DGKQ: variants seen among roughly 807,000 people sequenced by gnomAD.
The protein encoded by DGKQ is diacylglycerol kinase theta, also known as DAG kinase theta.
DGKQ carries 97 observed loss-of-function variants against 104.2 expected under a neutral mutation model. The observed-to-expected ratio is 0.93, with a 90% CI of 0.79 to 1.10. The LOEUF (loss-of-function observed/expected upper bound fraction) is 1.10, where lower values mean the gene tolerates loss of function less well. DGKQ is among the 50% of genes least tolerant of loss of function. The pLI, the probability that DGKQ is intolerant of heterozygous loss-of-function variation, is 0.00. For missense variants in DGKQ, 1,465 were observed against 1,352.1 expected (o/e 1.08, Z -1.31); for synonymous variants, 736 against 595.2 (o/e 1.24, Z -3.44).
intron 13 of DGKQ, 78 bp from the exon 14 acceptor site, chr4:965,607 T>C: frequency 6.7e-7 from 1 of 1,502,400 alleles, no homozygotes; most frequent in Non-Finnish European, 9.1e-7. Context: ...CCCCTCCGCC[T>C]GTCCAGGGGT....
intron 11 of DGKQ, 83 bp downstream of exon 11, chr4:966,665 C>G: frequency 2.0e-6 from 3 of 1,519,176 alleles, no homozygotes; most frequent in Non-Finnish European, 2.7e-6. Context: ...ATGTCCGGCA[C>G]CACCCTGCAG....
At chr4:966,937 C>T (rs759419703) in intron 10 of DGKQ, 27 bp downstream of exon 10, 4 of 1,551,898 alleles carry the variant, frequency 2.6e-6, no homozygotes, top group South Asian at 1.2e-5. Context: ...GTCTGGCCGG[C>T]ATGGGGAGCA....
Position 965,262 on chromosome 4 carries a change from C to A in DGKQ, c.1648G>T (p.Ala550Ser). 6.2e-7 allele frequency: 1 copy of A among 1,612,700 alleles called. No homozygotes were observed. The highest frequency in any genetic ancestry group is 8.5e-7 in the Non-Finnish European group (1 of 1,179,918). Residue 550 changes from alanine (A) to serine (S), a missense_variant, in exon 15 of 23, where the codon GCG becomes TCG. Physicochemically the swap from Ala to Ser is moderately conservative, Grantham distance 99. Transcript: ENST00000273814. ...GAVVLDVACF[A>S]EAERLYMLLK... The stretch of plus-strand genomic sequence containing the variant: ...AGCATGTACAGCCGCTCGGCCTCCG[C>A]AAAGCAGGCAACGTCCAACACTACC...
chr4:960,955 G>A lies in DGKQ; in HGVS notation c.2727+94C>T, dbSNP rs535845211. 140 of 1,551,522 alleles carry A rather than the reference G, an allele frequency of 9.0e-5. 1 individual carries two copies. In the African/African-American group the frequency reaches 1.5e-3, roughly 17 times the overall value. On this transcript the variant is annotated intron_variant, in intron 22 of 22. Transcript: ENST00000273814. ...GAGTCAGTGCTCCCTGGCCGCAGCC[G>A]GCCATGCCAGCACCACCTGGGTACC...
At chr4:965,791 G>A (rs115340330) in intron 13 of DGKQ, 137 bp downstream of exon 13, 7 of 1,038,632 alleles carry the variant, frequency 6.7e-6, no homozygotes, top group African/African-American at 1.6e-5. Flanking sequence ...CTTGGAGGAA[G>A]AGACGTGGGC....
chr4:973,297 G>T lies in DGKQ; in HGVS notation c.186C>A (p.Ser62Arg). Residue 62 changes from serine to arginine, a missense_variant, in exon 1 of 23, where the codon AGC (serine) becomes AGA (arginine). Physicochemically the swap from Ser to Arg is moderately radical, Grantham distance 110. Transcript: ENST00000273814. ...APGPAAAPGH[S>R]FRKVTLTKPT... Reference sequence around the variant, plus strand: ...GCTTGGTGAGCGTCACCTTCCGGAAGCTGTGTCCCGGCGCGGCAGCGGGGC... The same window carrying T: ...GCTTGGTGAGCGTCACCTTCCGGAATCTGTGTCCCGGCGCGGCAGCGGGGC... 6.6e-7 allele frequency: 1 copy of T among 1,514,618 alleles called. No individual in the cohort carries two copies. Among genetic ancestry groups the T allele is most frequent in the South Asian group, 1.2e-5 (1 of 80,308 alleles). The allele number at this position is 1,514,618 out of a possible 1,614,324, so 93.8% of individuals were successfully genotyped here.
Position 963,218 on chromosome 4 carries a change from G to T in DGKQ, c.1807C>A (p.Arg603=), listed in dbSNP as rs1301063490. The change falls in exon 16 of 23, where the codon CGA becomes AGA. Residue 603 remains arginine (R), a synonymous_variant. Coordinates refer to ENST00000273814, the MANE Select transcript of DGKQ (RefSeq NM_001347.4). ...VNPKSGGLKG[R]DLLCSFRKLL... ...TTCCGGAAGCTGCAGAGCAGGTCTCGGCCCTTGAGGCCTCCACTCTTGGGG... is the reference window on the plus strand; with the variant it reads ...TTCCGGAAGCTGCAGAGCAGGTCTCTGCCCTTGAGGCCTCCACTCTTGGGG... 3 of 1,611,592 alleles carry T rather than the reference G, an allele frequency of 1.9e-6. No individual in the cohort carries two copies. Among genetic ancestry groups the T allele is most frequent in the Non-Finnish European group, 2.5e-6 (3 of 1,178,904 alleles).
rs559401862 is a variant in DGKQ, at chr4:963,249, G to T, written c.1776C>A (p.Phe592Leu). The T allele has an allele frequency of 1.2e-6, 2 of 1,610,726 alleles. No individual in the cohort carries two copies. The highest frequency in any genetic ancestry group is 2.7e-5 in the African/African-American group (2 of 74,920). ...LPPDSCPLLV[F>L]VNPKSGGLKG... Reference sequence around the variant, plus strand: ...TGAGGCCTCCACTCTTGGGGTTCACGAACACAAGGAGGGGACAGCTGTCTG... The same window carrying T: ...TGAGGCCTCCACTCTTGGGGTTCACTAACACAAGGAGGGGACAGCTGTCTG... Residue 592 changes from phenylalanine (F) to leucine (L), a missense_variant, in exon 16 of 23, where the codon TTC (phenylalanine) becomes TTA (leucine). Transcript: ENST00000273814.
rs1405823467 is a variant in DGKQ, at chr4:967,915, G to A, written c.776C>T (p.Thr259Met). ...VRLLPGGFSK[T>M]QSFRIVEAAE... Reference sequence around the variant, plus strand: ...GGCCTCCACGATGCGGAAGCTCTGCGTCTTGCTGAAGCCGCCGGGCAGAAG... The same window carrying A: ...GGCCTCCACGATGCGGAAGCTCTGCATCTTGCTGAAGCCGCCGGGCAGAAG... Residue 259 changes from threonine to methionine, a missense_variant, in exon 6 of 23, where the codon ACG becomes ATG. Physicochemically the swap from Thr to Met is moderately conservative, Grantham distance 81 (BLOSUM62 -1). Coordinates refer to ENST00000273814, the MANE Select transcript of DGKQ (RefSeq NM_001347.4). 1.7e-5 allele frequency: 25 copies of A among 1,462,790 alleles called. No homozygotes were observed. The highest frequency in any genetic ancestry group is 4.2e-5 in the South Asian group (3 of 72,270). The allele number at this position is 1,462,790 out of a possible 1,614,324, so 90.6% of individuals were successfully genotyped here.
intron 2 of DGKQ, among the ~76,000 whole-genome samples, chr4:970,252 C>T (rs562597493): frequency 3.3e-5 from 5 of 152,384 alleles, no homozygotes; most frequent in African/African-American, 1.2e-4. Flanking sequence ...GCCTGCCTCG[C>T]GGCCTGCGCC....
rs888955420 is a variant in DGKQ, at chr4:973,524, G to A, written c.-42C>T. 25 of 987,164 alleles carry A rather than the reference G, an allele frequency of 2.5e-5. No homozygotes were observed. The highest frequency in any genetic ancestry group is 6.1e-5 in the Admixed American group (1 of 16,288). 61.2% of individuals were successfully genotyped at this position (987,164 alleles called of 1,614,324 possible). ...CCGAGCCCCTTTAGGTCCGCGCCGG[G>A]GGTACAGGAGCCGCCGCTCCACGGC... On this transcript the variant is annotated 5_prime_UTR_variant, in exon 1 of 23. Coordinates refer to ENST00000273814, the MANE Select transcript of DGKQ (RefSeq NM_001347.4).
rs1254177345 is a variant in DGKQ at position 959,987 on chromosome 4, T to TGCC, written c.*630_*632dup. 1 of 152,266 alleles carries TGCC rather than the reference T, an allele frequency of 6.6e-6. No individual in the cohort carries two copies. The highest frequency in any genetic ancestry group is 1.5e-5 in the Non-Finnish European group (1 of 68,066). 9.4% of individuals were successfully genotyped at this position (152,266 alleles called of 1,614,324 possible). ...CTGGAGCTGTACCTGAGATCCAAGC[T>TGCC]GCCATCTGTATATAACAAGGCCAGA... On this transcript the variant is annotated 3_prime_UTR_variant, in exon 23 of 23. Transcript: ENST00000273814.
At chr4:968,729 G>A in intron 3 of DGKQ, 82 bp downstream of exon 3, 1 of 1,408,030 alleles carries the variant, frequency 7.1e-7, no homozygotes, top group Non-Finnish European at 9.8e-7. Context: ...CCCCTGACAA[G>A]CTGCACAGCA....
chr4:971,662 G>A lies in DGKQ; in HGVS notation c.272-590C>T, dbSNP rs1712942373. Among the ~76,000 whole-genome samples the A allele has an allele frequency of 6.6e-6, 1 of 152,146 alleles. No homozygotes were observed. The highest frequency in any genetic ancestry group is 6.5e-5 in the Admixed American group (1 of 15,280). On this transcript the variant is annotated intron_variant, in intron 1 of 22. Transcript: ENST00000273814. The surrounding 1 kb of genome is among the most constrained non-coding windows in gnomAD (Gnocchi z 4.0). ...CAGGGAGCACCTGAGCCGGCGGGGT[G>A]CTCAGGAGGGCATAAGAGGAGCAAG...
chr4:968,349 A>G lies in DGKQ; in HGVS notation c.596T>C (p.Val199Ala). Reference sequence around the variant, plus strand: ...AGAGGAGCCGCACGTCTTCCTGCAGACCTCGCAGCGCGCTCCCGAGGGCAG... The same window carrying G: ...AGAGGAGCCGCACGTCTTCCTGCAGGCCTCGCAGCGCGCTCCCGAGGGCAG... The part of the protein sequence containing the change: ...GNLPSGARCE[V>A]CRKTCGSSDV... Residue 199 changes from valine (V) to alanine (A), a missense_variant, in exon 5 of 23, where the codon GTC (valine) becomes GCC (alanine). Coordinates refer to ENST00000273814, the MANE Select transcript of DGKQ (RefSeq NM_001347.4). 6.8e-7 allele frequency: 1 copy of G among 1,470,462 alleles called. No homozygotes were observed. The highest frequency in any genetic ancestry group is 9.0e-7 in the Non-Finnish European group (1 of 1,110,444). The allele number at this position is 1,470,462 out of a possible 1,614,324, so 91.1% of individuals were successfully genotyped here.
chr4:966,921 C>A lies in DGKQ; in HGVS notation c.1311+43G>T, dbSNP rs777683303. The A allele has an allele frequency of 1.2e-5, 18 of 1,548,786 alleles. No homozygotes were observed. The Admixed American group carries it at 2.1e-4, about 18-fold the overall frequency. ...TGGCCTCCTGGGGACAGCGACCCCC[C>A]ACCGAGTCTGGCCGGCATGGGGAGC... On this transcript the variant is annotated intron_variant, in intron 10 of 22. Coordinates refer to ENST00000273814, the MANE Select transcript of DGKQ (RefSeq NM_001347.4).
At chr4:963,502 T>G (rs1936927754) in intron 15 of DGKQ, among the ~76,000 whole-genome samples, 1 of 152,140 alleles carries the variant, frequency 6.6e-6, no homozygotes, top group Non-Finnish European at 1.5e-5. Context: ...AGGGCGGCAC[T>G]GAGGACAGCC....
In DGKQ at chr4:973,475, G is replaced by C; in HGVS notation, c.8C>G (p.Ala3Gly). 1 of 984,974 alleles carries C rather than the reference G, an allele frequency of 1.0e-6. No homozygotes were observed. Among genetic ancestry groups the C allele is most frequent in the East Asian group, 1.1e-4 (1 of 8,804 alleles). 61.0% of individuals were successfully genotyped at this position (984,974 alleles called of 1,614,324 possible). MA[A>G]AAEPGARAWL... ...GGCGCGGGCCCCGGGCTCGGCCGCC[G>C]CCGCCATTCCCGGCCCGAGCGGCCC... is the stretch of plus-strand genomic sequence containing the variant. The change falls in exon 1 of 23, where the codon GCG (alanine) becomes GGG (glycine). Residue 3 changes from alanine (A) to glycine (G), a missense_variant. Physicochemically the swap from Ala to Gly is moderately conservative, Grantham distance 60. Transcript: ENST00000273814.
rs189453688 is a variant in DGKQ, at chr4:970,679, G to T, written c.351+314C>A. Among the ~76,000 whole-genome samples the T allele has an allele frequency of 9.2e-5, 14 of 152,114 alleles. No individual in the cohort carries two copies. The East Asian group carries it at 2.7e-3, about 29-fold the overall frequency. On this transcript the variant is annotated intron_variant, in intron 2 of 22. Transcript: ENST00000273814. ...CATCCCCCCCAGGAGCCCTCACGCTGCATGTCACAGCCACGCCCACTTCTC... is the reference window on the plus strand; with the variant it reads ...CATCCCCCCCAGGAGCCCTCACGCTTCATGTCACAGCCACGCCCACTTCTC...
Sources: gnomAD v4.1 joint callset for allele counts (sites outside exome capture counted in the v4.1 genomes callset) on GRCh38, gnomAD v4.1.1 for gene constraint, Gnocchi (gnomAD v3.1) non-coding constraint, MANE v1.5 for transcripts, NCBI Gene and HGNC (gene_info 2026-07-23, HGNC 2026-07-21) for gene names.